DIAPH3: variants seen among roughly 807,000 people sequenced by gnomAD.
DIAPH3 encodes diaphanous related formin 3, also known as protein diaphanous homolog 3.
In DIAPH3, 117 loss-of-function variants were observed where a neutral mutation model predicts 144.3. That is an observed-to-expected ratio of 0.81 (90% CI 0.70 to 0.95). DIAPH3 has a LOEUF of 0.95. Among genes scored for constraint, DIAPH3 ranks in the 40% least tolerant of loss-of-function variants. The probability of loss-of-function intolerance (pLI) is 0.00; values close to 1 mark genes in which losing one functional copy is unlikely to be tolerated. For missense variants in DIAPH3, 1,421 were observed against 1,412.7 expected, an observed-to-expected ratio of 1.01 and a Z score of -0.09; for synonymous variants, 519 against 488.9, an observed-to-expected ratio of 1.06 and a Z score of -0.81.
At chr13:60,041,746 T>C (rs1310345053) in intron 5 of DIAPH3, among the ~76,000 whole-genome samples, 1 of 152,154 alleles carries the variant, frequency 6.6e-6, no homozygotes, top group Non-Finnish European at 1.5e-5. Flanking sequence ...CATTCATTTC[T>C]TACACAATAA....
At chr13:59,909,045 G>A (rs932734590) in intron 20 of DIAPH3, among the ~76,000 whole-genome samples, 2 of 152,130 alleles carry the variant, frequency 1.3e-5, no homozygotes, top group African/African-American at 4.8e-5. Flanking sequence ...TTTAAGGCAA[G>A]GATGTCTTGT....
intron 21 of DIAPH3, among the ~76,000 whole-genome samples, chr13:59,866,391 G>A (rs965944221): frequency 1.3e-5 from 2 of 151,986 alleles, no homozygotes; most frequent in Non-Finnish European, 2.9e-5. Flanking sequence ...TTCCTTTACA[G>A]CAATCTTTAG....
chr13:59,875,713 C>A (rs2044582090), intron 21 of DIAPH3, among the ~76,000 whole-genome samples: 1 of 152,124 alleles, frequency 6.6e-6, no homozygotes, highest in African/African-American at 2.4e-5. Context: ...ACCTATATAG[C>A]AACTTTAATT....
chr13:59,937,208 G>A (rs930015049), intron 17 of DIAPH3, among the ~76,000 whole-genome samples: 39 of 151,254 alleles, frequency 2.6e-4, no homozygotes, highest in African/African-American at 9.0e-4. Flanking sequence ...CTATTTTTAC[G>A]TATAACATTC....
intron 27 of DIAPH3, among the ~76,000 whole-genome samples, chr13:59,742,245 G>A (rs1011739988): frequency 6.6e-6 from 1 of 152,066 alleles, no homozygotes; most frequent in Non-Finnish European, 1.5e-5. Context: ...ATTTGGGAGG[G>A]GACACAGCCA....
In DIAPH3 at chr13:59,764,555, C is replaced by T. The variant is rs370504659; in HGVS notation, c.3319+9634G>A. Among the ~76,000 whole-genome samples, 3 of 149,554 alleles carry T rather than the reference C, an allele frequency of 2.0e-5. No homozygotes were observed. The South Asian group carries it at 6.6e-4, about 33-fold the overall frequency. ...TGTCAACCGTATTTGGAAATAGGAT[C>T]TTTGCAGATGTTATCAGGTAAACTC... On this transcript the variant is annotated intron_variant, in intron 27 of 27. Transcript: ENST00000400324.
At chr13:59,672,788 A>G (rs1214926460) in intron 27 of DIAPH3, among the ~76,000 whole-genome samples, 1 of 152,194 alleles carries the variant, frequency 6.6e-6, no homozygotes, top group African/African-American at 2.4e-5. Context: ...GCAAAAGGTC[A>G]TTTTGCATAT....
At chr13:59,912,036 T>C (rs2047020364) in intron 19 of DIAPH3, among the ~76,000 whole-genome samples, 200 bp from the exon 20 acceptor site, 1 of 152,162 alleles carries the variant, frequency 6.6e-6, no homozygotes, top group Non-Finnish European at 1.5e-5. Flanking sequence ...ATCCCAGAGT[T>C]ATTATATATT....
chr13:59,799,955 TATTAAAGATTA>T (rs2039817896), intron 25 of DIAPH3, among the ~76,000 whole-genome samples: 1 of 152,208 alleles, frequency 6.6e-6, no homozygotes, highest in African/African-American at 2.4e-5. Context: ...TCTTGTACTT[TATTAAAGATTA>T]ATATTGAGTA....
intron 27 of DIAPH3, among the ~76,000 whole-genome samples, chr13:59,742,328 CA>C (rs2036495400): frequency 6.6e-6 from 1 of 150,982 alleles, no homozygotes; most frequent in Non-Finnish European, 1.5e-5. Context: ...CCCAAAGAAA[CA>C]GGAAAATTTG....
chr13:60,012,278 T>C (rs1407525688), intron 7 of DIAPH3, among the ~76,000 whole-genome samples: 3 of 152,046 alleles, frequency 2.0e-5, no homozygotes, highest in Non-Finnish European at 4.4e-5. Flanking sequence ...ACAGGAACAA[T>C]GGAGAAAGTA....
chr13:60,108,524 T>C (rs903876786), intron 3 of DIAPH3, among the ~76,000 whole-genome samples: 2 of 152,004 alleles, frequency 1.3e-5, no homozygotes, highest in African/African-American at 4.8e-5. Flanking sequence ...AGGGATTGCT[T>C]GAACCCGGGA....
intron 27 of DIAPH3, among the ~76,000 whole-genome samples, chr13:59,677,763 A>G (rs1291622149): frequency 6.6e-6 from 1 of 152,312 alleles, no homozygotes; most frequent in Non-Finnish European, 1.5e-5. Context: ...TCCAATATTT[A>G]GCATTTTATT....
chr13:59,774,918 GA>G (rs35877913), intron 25 of DIAPH3, 95 bp from the exon 26 acceptor site: 1 of 1,023,074 alleles, frequency 9.8e-7, no homozygotes. Flanking sequence ...ATGGTAGGGA[GA>G]AAAAAGATCA....
chr13:59,935,867 T>C (rs1386597876), intron 17 of DIAPH3, among the ~76,000 whole-genome samples: 2 of 152,216 alleles, frequency 1.3e-5, no homozygotes, highest in Non-Finnish European at 2.9e-5. Context: ...CTAAGAATTA[T>C]ATAATATATA....
chr13:59,756,343 A>G (rs990017669), intron 27 of DIAPH3, among the ~76,000 whole-genome samples: 1 of 152,122 alleles, frequency 6.6e-6, no homozygotes, highest in African/African-American at 2.4e-5. Context: ...AAAAAGTTAT[A>G]ATCTACTAAT....
chr13:60,066,666 A>C (rs1437992330), intron 4 of DIAPH3, among the ~76,000 whole-genome samples: 1 of 152,258 alleles, frequency 6.6e-6, no homozygotes, highest in Non-Finnish European at 1.5e-5. Context: ...CATATGCTAC[A>C]TTCCAGGCTG....
At chr13:59,960,229 T>C (rs1460148227) in intron 17 of DIAPH3, among the ~76,000 whole-genome samples, 1 of 152,218 alleles carries the variant, frequency 6.6e-6, no homozygotes, top group African/African-American at 2.4e-5. Context: ...ATATTCACTT[T>C]CATTTAAGCT....
chr13:59,676,935 C>T (rs537372339), intron 27 of DIAPH3, among the ~76,000 whole-genome samples: 3 of 152,156 alleles, frequency 2.0e-5, no homozygotes, highest in East Asian at 1.9e-4. Context: ...TCTCCCTGGC[C>T]TATTACTACA....
Sources: allele counts gnomAD v4.1 joint callset (sites outside exome capture counted in the v4.1 genomes callset), GRCh38; gene constraint gnomAD v4.1.1; transcripts MANE v1.5; gene names NCBI Gene and HGNC (gene_info 2026-07-23, HGNC 2026-07-21).